Variants in FHIP1A observed in about 807,000 individuals in gnomAD.
FHIP1A encodes the protein FHF complex subunit HOOK interacting protein 1A.
FHIP1A carries 61 observed loss-of-function variants against 88.6 expected under a neutral mutation model. That is an observed-to-expected ratio of 0.69 (90% CI 0.56 to 0.85). FHIP1A has a LOEUF of 0.85. Ranked by LOEUF, FHIP1A falls within the 40% of genes least tolerant of loss-of-function variation. The pLI is 0.00. For missense variants in FHIP1A, 1,154 were observed against 1,273.5 expected, an observed-to-expected ratio of 0.91 and a Z score of 1.43; for synonymous variants, 478 against 496.0, an observed-to-expected ratio of 0.96 and a Z score of 0.48.
chr4:151,584,672 C>T (rs746347156), intron 5 of FHIP1A, among the ~76,000 whole-genome samples: 10 of 152,150 alleles, frequency 6.6e-5, no homozygotes, highest in Non-Finnish European at 1.0e-4. Context: ...ATGCCCCACA[C>T]GCTCCTCATG....
rs77320421 is a variant in FHIP1A at position 151,538,862 on chromosome 4, G to A, written c.-122-27276G>A. ...GATGAAAATAAAACATAAATCTGTG[G>A]GCTGGATTCAGTATTCTGGCTGCCA... is the stretch of plus-strand genomic sequence containing the variant. On this transcript the variant is annotated intron_variant, in intron 3 of 13. Coordinates refer to ENST00000435205, the MANE Select transcript of FHIP1A (RefSeq NM_001109977.3). Among the ~76,000 whole-genome samples the A allele has an allele frequency of 9.6e-3, 1,460 of 152,264 alleles. 23 individuals are homozygous for A. The highest frequency in any genetic ancestry group is 0.034 in the African/African-American group (1,410 of 41,538).
rs73862056 is a variant in FHIP1A, at chr4:151,542,276, C to G, written c.-122-23862C>G. On this transcript the variant is annotated intron_variant, in intron 3 of 13. Transcript: ENST00000435205. Reference sequence around the variant, plus strand: ...AATGCTTTAAAAATAAGTAATTGCACAAAACAACATTTAAGGAAATCAAAA... The same window carrying G: ...AATGCTTTAAAAATAAGTAATTGCAGAAAACAACATTTAAGGAAATCAAAA... Among the ~76,000 whole-genome samples the G allele has an allele frequency of 7.9e-3, 1,200 of 152,192 alleles. 10 individuals carry two copies. Among genetic ancestry groups the G allele is most frequent in the African/African-American group, 0.028 (1,150 of 41,506 alleles).
intron 11 of FHIP1A, among the ~76,000 whole-genome samples, chr4:151,651,966 A>G (rs1737047078): frequency 6.6e-6 from 1 of 152,156 alleles, no homozygotes; most frequent in African/African-American, 2.4e-5. Context: ...GATAAGGGGG[A>G]CAGGGAAGGG....
At chr4:151,636,800 G>A (rs1363204992) in intron 8 of FHIP1A, among the ~76,000 whole-genome samples, 10 of 151,952 alleles carry the variant, frequency 6.6e-5, no homozygotes, top group Non-Finnish European at 1.5e-4. Flanking sequence ...ACTCCTATCT[G>A]GCCTATTTGT....
In FHIP1A at chr4:151,586,704, G is replaced by A. The variant is rs1337456612; in HGVS notation, c.796G>A (p.Glu266Lys). 2.6e-6 allele frequency: 4 copies of A among 1,551,100 alleles called. No homozygotes were observed. The highest frequency in any genetic ancestry group is 2.7e-5 in the African/African-American group (2 of 73,032). The change falls in exon 6 of 14, where the codon GAG (glutamate) becomes AAG (lysine). Residue 266 changes from glutamate (E) to lysine (K), a missense_variant. Coordinates refer to ENST00000435205, the MANE Select transcript of FHIP1A (RefSeq NM_001109977.3). ...SLPTKLEEKG[E>K]EWHCLLKDDW... ...GCCTACAAAGCTAGAAGAGAAAGGC[G>A]AGGAATGGCACTGCCTTCTGAAAGA...
chr4:151,420,746 T>C (rs1733099194), intron 1 of FHIP1A, among the ~76,000 whole-genome samples: 1 of 152,220 alleles, frequency 6.6e-6, no homozygotes, highest in Non-Finnish European at 1.5e-5. Context: ...TTCTTTTGCT[T>C]AGTAGGTTGC....
intron 7 of FHIP1A, among the ~76,000 whole-genome samples, chr4:151,620,593 A>T (rs1735701225): frequency 6.6e-6 from 1 of 152,164 alleles, no homozygotes; most frequent in Non-Finnish European, 1.5e-5. Flanking sequence ...GTCTTATCAC[A>T]AATAGGCACA....
At chr4:151,492,968 A>G (rs1467937914) in intron 3 of FHIP1A, among the ~76,000 whole-genome samples, 1 of 152,252 alleles carries the variant, frequency 6.6e-6, no homozygotes, top group East Asian at 1.9e-4. Context: ...GCAGAAGGAA[A>G]GAAATAACAA....
intron 13 of FHIP1A, among the ~76,000 whole-genome samples, chr4:151,657,884 T>G (rs1468265363): frequency 3.9e-5 from 6 of 152,204 alleles, no homozygotes; most frequent in African/African-American, 1.2e-4. Context: ...CTATTTGATC[T>G]TGGTTGCTTT....
Position 151,509,643 on chromosome 4 carries a change from G to T in FHIP1A, c.-123+26995G>T, listed in dbSNP as rs74655947. ...ATAGTGGTCGGGGCAGGGAATAATG[G>T]TGACCAATAGAAGGCTAGCTTTCAG... On this transcript the variant is annotated intron_variant, in intron 3 of 13. Transcript: ENST00000435205. 6.2e-3 allele frequency among the ~76,000 whole-genome samples: 945 copies of T among 152,214 alleles called. 12 individuals carry two copies. The highest frequency in any genetic ancestry group is 0.021 in the African/African-American group (881 of 41,524).
intron 3 of FHIP1A, among the ~76,000 whole-genome samples, chr4:151,543,751 C>T (rs1489544201): frequency 6.6e-6 from 1 of 152,138 alleles, no homozygotes; most frequent in East Asian, 1.9e-4. Context: ...ATAATGAATG[C>T]AAACAATTTA....
At chr4:151,575,286 G>C (rs1292780251) in intron 4 of FHIP1A, among the ~76,000 whole-genome samples, 2 of 152,202 alleles carry the variant, frequency 1.3e-5, no homozygotes, top group African/African-American at 4.8e-5. Context: ...CTTGAAGTTA[G>C]GGACTTTTGG....
chr4:151,605,085 G>A (rs1735021980), intron 7 of FHIP1A, among the ~76,000 whole-genome samples: 1 of 152,110 alleles, frequency 6.6e-6, no homozygotes. Context: ...GTTGGCAGTT[G>A]CAGCCAAAGA....
chr4:151,544,761 T>G (rs1732423721), intron 3 of FHIP1A, among the ~76,000 whole-genome samples: 1 of 152,182 alleles, frequency 6.6e-6, no homozygotes, highest in African/African-American at 2.4e-5. Flanking sequence ...TGACTTAATC[T>G]TGCCTCTGGA....
At chr4:151,622,727 AAAC>A (rs1404849839) in intron 7 of FHIP1A, among the ~76,000 whole-genome samples, 2 of 152,174 alleles carry the variant, frequency 1.3e-5, no homozygotes, top group Non-Finnish European at 2.9e-5. Flanking sequence ...AACAATTAGT[AAAC>A]AAGAAAGAGA....
intron 7 of FHIP1A, among the ~76,000 whole-genome samples, chr4:151,616,698 C>A (rs528806193): frequency 2.0e-5 from 3 of 151,896 alleles, no homozygotes; most frequent in Non-Finnish European, 4.4e-5. Flanking sequence ...GATCCACCCA[C>A]CTCAGCCTCC....
intron 7 of FHIP1A, among the ~76,000 whole-genome samples, chr4:151,602,249 A>G (rs1218919612): frequency 6.6e-6 from 1 of 152,200 alleles, no homozygotes; most frequent in Non-Finnish European, 1.5e-5. Context: ...GAAAAATCAT[A>G]TACTGTTATA....
intron 2 of FHIP1A, among the ~76,000 whole-genome samples, chr4:151,471,789 C>T (rs969697444): frequency 9.2e-5 from 14 of 152,056 alleles, no homozygotes; most frequent in Non-Finnish European, 1.5e-4. Flanking sequence ...CCCCCTGAGT[C>T]CCCAAAGTCC....
chr4:151,567,435 G>A (rs1376247691), intron 4 of FHIP1A, among the ~76,000 whole-genome samples: 1 of 151,762 alleles, frequency 6.6e-6, no homozygotes, highest in Non-Finnish European at 1.5e-5. Flanking sequence ...TTACTATCTA[G>A]TATAAACCTT....
Sources: allele counts gnomAD v4.1 joint callset (sites outside exome capture counted in the v4.1 genomes callset), GRCh38; gene constraint gnomAD v4.1.1; transcripts MANE v1.5; gene names NCBI Gene and HGNC (gene_info 2026-07-23, HGNC 2026-07-21).